The following CTNNA3 variants were observed in gnomAD, a reference collection of about 807,000 sequenced individuals.
CTNNA3 encodes the protein catenin alpha-3.
A neutral mutation model predicts 95.7 loss-of-function variants in CTNNA3; 76 were observed. That is an observed-to-expected ratio of 0.79 (90% CI 0.66 to 0.96). The LOEUF is 0.96. Ranked by LOEUF, CTNNA3 falls within the 40% of genes least tolerant of loss-of-function variation. The pLI is 0.00. For synonymous variants in CTNNA3, 431 were observed against 374.4 expected, an observed-to-expected ratio of 1.15 and a Z score of -1.74; for missense variants, 1,191 against 1,089.8, an observed-to-expected ratio of 1.09 and a Z score of -1.31.
intron 11 of CTNNA3, among the ~76,000 whole-genome samples, chr10:66,463,318 C>T (rs946305018): frequency 5.9e-5 from 9 of 152,074 alleles, no homozygotes; most frequent in Non-Finnish European, 1.0e-4. Context: ...GCATCTCTCT[C>T]CCTTTCTGAA....
chr10:67,362,095 C>A (rs1843009259), intron 5 of CTNNA3, among the ~76,000 whole-genome samples: 1 of 151,986 alleles, frequency 6.6e-6, no homozygotes, highest in South Asian at 2.1e-4. Context: ...CTGACCTGAT[C>A]AATAACAAGT....
At chr10:66,861,714 G>A (rs116971213) in intron 7 of CTNNA3, among the ~76,000 whole-genome samples, 2,494 of 152,204 alleles carry the variant, frequency 0.016, 16 homozygotes, top group Middle Eastern at 0.061. Context: ...GCTGTGTGGT[G>A]GTAGGAGGTG....
At chr10:66,690,204 C>T (rs978103768) in intron 9 of CTNNA3, among the ~76,000 whole-genome samples, 1 of 152,050 alleles carries the variant, frequency 6.6e-6, no homozygotes, top group African/African-American at 2.4e-5. Context: ...TCAATGGTGG[C>T]TCTAGAAATA....
chr10:67,253,121 G>T (rs1866173819), intron 5 of CTNNA3, among the ~76,000 whole-genome samples: 1 of 152,012 alleles, frequency 6.6e-6, no homozygotes, highest in South Asian at 2.1e-4. Context: ...TTGTGCTTTG[G>T]GGCCATGTTA....
chr10:67,082,475 G>A (rs1325172954), intron 7 of CTNNA3, among the ~76,000 whole-genome samples: 1 of 152,094 alleles, frequency 6.6e-6, no homozygotes, highest in Non-Finnish European at 1.5e-5. Flanking sequence ...AGCAGATTTT[G>A]CAAAGGGCTA....
chr10:66,969,136 T>C (rs1254314039), intron 7 of CTNNA3, among the ~76,000 whole-genome samples: 1 of 152,068 alleles, frequency 6.6e-6, no homozygotes, highest in Non-Finnish European at 1.5e-5. Flanking sequence ...AATATACTCA[T>C]TGCAGAATAT....
At chr10:66,395,819 T>C (rs1291128466) in intron 11 of CTNNA3, among the ~76,000 whole-genome samples, 2 of 151,994 alleles carry the variant, frequency 1.3e-5, no homozygotes, top group Non-Finnish European at 2.9e-5. Flanking sequence ...TTGTTTCAGA[T>C]TCAGGGGTTT....
At chr10:66,537,371 A>G (rs754654698) in intron 10 of CTNNA3, among the ~76,000 whole-genome samples, 7 of 152,038 alleles carry the variant, frequency 4.6e-5, no homozygotes, top group Non-Finnish European at 8.8e-5. Flanking sequence ...CAAACACAAG[A>G]TGGGTGATTA....
At chr10:67,521,171 T>C (rs929584292) in intron 5 of CTNNA3, among the ~76,000 whole-genome samples, 49 of 152,168 alleles carry the variant, frequency 3.2e-4, no homozygotes, top group African/African-American at 1.2e-3. Flanking sequence ...GGAAGAGTAG[T>C]GAGCTACTGT....
chr10:66,805,445 A>G (rs1467877676), intron 7 of CTNNA3, among the ~76,000 whole-genome samples: 1 of 150,328 alleles, frequency 6.7e-6, no homozygotes, highest in Non-Finnish European at 1.5e-5. Context: ...TGTGTTCATG[A>G]TTTTTTCACT....
chr10:65,990,415 A>G (rs1366666761), intron 15 of CTNNA3, among the ~76,000 whole-genome samples: 1 of 149,792 alleles, frequency 6.7e-6, no homozygotes, highest in Non-Finnish European at 1.5e-5. Context: ...CCTTTTAATA[A>G]TAGTCATTCT....
rs183890127 is a variant in CTNNA3 at position 66,263,487 on chromosome 10, A to G, written c.1884+16983T>C. Among the ~76,000 whole-genome samples the G allele has an allele frequency of 1.4e-3, 208 of 152,148 alleles. 2 individuals carry two copies. Among genetic ancestry groups the G allele is most frequent in the Admixed American group, 0.012 (189 of 15,254 alleles). ...AAGTATAAAGAGACCACTTTACAGA[A>G]TATGGGTTCAGTCATTGTCAGGGTA... On this transcript the variant is annotated intron_variant, in intron 13 of 17. Transcript: ENST00000433211.
intron 13 of CTNNA3, among the ~76,000 whole-genome samples, chr10:66,124,975 C>T (rs1007084954): frequency 6.6e-6 from 1 of 152,010 alleles, no homozygotes; most frequent in African/African-American, 2.4e-5. Flanking sequence ...TTTGAATTGT[C>T]AATTAGGAAA....
intron 5 of CTNNA3, among the ~76,000 whole-genome samples, chr10:67,370,320 T>C (rs1386581933): frequency 2.0e-5 from 3 of 152,174 alleles, no homozygotes; most frequent in Non-Finnish European, 2.9e-5. Flanking sequence ...CATTTTGATA[T>C]ATAATTTATT....
At chr10:67,417,615 G>C (rs1034000103) in intron 5 of CTNNA3, among the ~76,000 whole-genome samples, 4 of 151,734 alleles carry the variant, frequency 2.6e-5, no homozygotes, top group Non-Finnish European at 5.9e-5. Context: ...AAAAGATAGG[G>C]TTGTCACATG....
chr10:66,964,277 C>CTT (rs566704978), intron 7 of CTNNA3, among the ~76,000 whole-genome samples: 2 of 140,208 alleles, frequency 1.4e-5, no homozygotes, highest in Non-Finnish European at 1.6e-5. Flanking sequence ...AAGAGCAGGT[C>CTT]TTTTTTTTTT....
chr10:67,394,819 C>T (rs531619721), intron 5 of CTNNA3, among the ~76,000 whole-genome samples: 12 of 151,914 alleles, frequency 7.9e-5, no homozygotes, highest in African/African-American at 2.9e-4. Flanking sequence ...CTCAAAAGTG[C>T]CTTTCATGCT....
intron 1 of CTNNA3, chr10:67,665,456 T>C (rs1039414304): frequency 1.3e-5 from 2 of 152,242 alleles, no homozygotes; most frequent in African/African-American, 2.4e-5. Context: ...CCCAAAGTTA[T>C]CTAACCGAGC....
rs114856872 is a variant in CTNNA3, at chr10:67,092,303, T to C, written c.1047+88014A>G. Among the ~76,000 whole-genome samples, 590 of 152,010 alleles carry C rather than the reference T, an allele frequency of 3.9e-3. 5 individuals carry two copies. The highest frequency in any genetic ancestry group is 0.014 in the African/African-American group (566 of 41,506). ...AGAGCATGAGAATTCTCTCAATGAG[T>C]AGAGATATTTATACATACTAAAATC... is the stretch of plus-strand genomic sequence containing the variant. On this transcript the variant is annotated intron_variant, in intron 7 of 17. Transcript: ENST00000433211.
Sources: gnomAD v4.1 joint callset for allele counts (sites outside exome capture counted in the v4.1 genomes callset) on GRCh38, gnomAD v4.1.1 for gene constraint, MANE v1.5 for transcripts, NCBI Gene and HGNC (gene_info 2026-07-23, HGNC 2026-07-21) for gene names.